Variants in FANCI observed in about 807,000 individuals in gnomAD.
FANCI encodes the protein Fanconi anemia group I protein.
A neutral mutation model predicts 176.1 loss-of-function variants in FANCI; 156 were observed. The ratio of observed to expected loss-of-function variants is 0.89; its 90% CI spans 0.78 to 1.01. FANCI has a LOEUF of 1.01. FANCI is among the 50% of genes least tolerant of loss of function. The probability of loss-of-function intolerance (pLI) is 0.00; values close to 1 mark genes in which losing one functional copy is unlikely to be tolerated. For synonymous variants in FANCI, 613 were observed against 541.7 expected (o/e 1.13, Z -1.83); for missense variants, 1,678 against 1,534.1 (o/e 1.09, Z -1.57).
chr15:89,313,939 A>G (rs1233537446), intron 35 of FANCI, among the ~76,000 whole-genome samples: 5 of 150,086 alleles, frequency 3.3e-5, no homozygotes, highest in Non-Finnish European at 5.9e-5. Context: ...AGGACCTACA[A>G]ATTACAATTC....
rs1596336156 is a variant in FANCI at position 89,312,637 on chromosome 15, T to C, written c.3652-267T>C. Among the ~76,000 whole-genome samples the C allele has an allele frequency of 2.0e-5, 3 of 152,196 alleles. 1 individual carries two copies. The highest frequency in any genetic ancestry group is 4.4e-5 in the Non-Finnish European group (3 of 67,996). ...GAGTTCGAGACCAGCCTGGCCAACATGGCAAAACACCGTCTCTACTAAAAA... is the reference window on the plus strand; with the variant it reads ...GAGTTCGAGACCAGCCTGGCCAACACGGCAAAACACCGTCTCTACTAAAAA... On this transcript the variant is annotated intron_variant, in intron 34 of 37. Transcript: ENST00000310775.
At chr15:89,281,506 T>C (rs2053612942) in intron 15 of FANCI, among the ~76,000 whole-genome samples, 1 of 152,248 alleles carries the variant, frequency 6.6e-6, no homozygotes. Context: ...TTCTCTCAAC[T>C]CATTTTCAAG....
At chr15:89,284,395 A>G (rs560677066) in intron 17 of FANCI, among the ~76,000 whole-genome samples, 7 of 152,238 alleles carry the variant, frequency 4.6e-5, no homozygotes, top group African/African-American at 1.7e-4. Flanking sequence ...GTATAACTAC[A>G]TAAAGCTTTG....
intron 37 of FANCI, 56 bp downstream of exon 37, chr15:89,315,445 T>TATC: frequency 8.2e-7 from 1 of 1,225,548 alleles, no homozygotes; most frequent in Non-Finnish European, 1.2e-6. Flanking sequence ...GTTAGCAGCC[T>TATC]ATCTGGGAGC....
intron 3 of FANCI, 101 bp from the exon 4 acceptor site, chr15:89,260,612 A>G: frequency 2.7e-6 from 4 of 1,465,334 alleles, no homozygotes; most frequent in South Asian, 1.1e-5. Context: ...GTCGTTTGAT[A>G]ATTCTGTTTT....
intron 20 of FANCI, 72 bp downstream of exon 20, chr15:89,291,786 C>T: frequency 1.7e-6 from 2 of 1,187,426 alleles, no homozygotes; most frequent in Non-Finnish European, 2.5e-6. Flanking sequence ...CAAAGAGATA[C>T]CTTTCCCTGT....
At chr15:89,286,331 G>A (rs898351558) in intron 18 of FANCI, among the ~76,000 whole-genome samples, 6 of 152,130 alleles carry the variant, frequency 3.9e-5, no homozygotes, top group South Asian at 2.1e-4. Flanking sequence ...TTTTCTTTTT[G>A]CACTGGGTTT....
intron 10 of FANCI, among the ~76,000 whole-genome samples, chr15:89,271,775 A>G (rs985087487): frequency 6.6e-6 from 1 of 152,198 alleles, no homozygotes; most frequent in African/African-American, 2.4e-5. Context: ...GTGAGCTACC[A>G]TATCAGGCTC....
intron 10 of FANCI, among the ~76,000 whole-genome samples, chr15:89,271,462 T>G (rs1036470497): frequency 2.0e-5 from 3 of 152,186 alleles, no homozygotes; most frequent in African/African-American, 7.2e-5. Flanking sequence ...AGGATTCACC[T>G]GTGTTGTAGC....
intron 2 of FANCI, among the ~76,000 whole-genome samples, chr15:89,253,344 A>C (rs1363267803): frequency 6.6e-6 from 1 of 152,078 alleles, no homozygotes; most frequent in East Asian, 1.9e-4. Context: ...TAAATGTAAA[A>C]AACAAATCTA....
chr15:89,263,541 A>C (rs1159154752), intron 7 of FANCI, 81 bp downstream of exon 7: 20 of 1,149,012 alleles, frequency 1.7e-5, no homozygotes, highest in Non-Finnish European at 2.6e-5. Context: ...AGCAAACGTA[A>C]ACATCACTCT....
At position 89,290,282 on chromosome 15, in the gene FANCI, G is replaced by T. The variant is rs764306023; in HGVS notation, c.1890+1G>T. Reference sequence around the variant, plus strand: ...AGTCATGCAAACTCTGCTCTCACAGGTAAAATACATTTTTATGGATATATG... The same window carrying T: ...AGTCATGCAAACTCTGCTCTCACAGTTAAAATACATTTTTATGGATATATG... On this transcript the variant is annotated splice_donor_variant, in intron 19 of 37. Coordinates refer to ENST00000310775, the MANE Select transcript of FANCI (RefSeq NM_001113378.2). LOFTEE classifies it high-confidence loss of function. 1.9e-6 allele frequency: 3 copies of T among 1,610,604 alleles called. No individual in the cohort carries two copies. The highest frequency in any genetic ancestry group is 1.1e-5 in the South Asian group (1 of 91,024).
At position 89,294,142 on chromosome 15, in the gene FANCI, A is replaced by G. The variant is rs190707893; in HGVS notation, c.2456+145A>G. On this transcript the variant is annotated intron_variant, in intron 23 of 37. Coordinates refer to ENST00000310775, the MANE Select transcript of FANCI (RefSeq NM_001113378.2). ...TTTTTCTTGAAATAAAAGCTGGACAATCCTAGGTAGGTACTTTAAGTAGGT... is the reference window on the plus strand; with the variant it reads ...TTTTTCTTGAAATAAAAGCTGGACAGTCCTAGGTAGGTACTTTAAGTAGGT... 2.6e-4 allele frequency: 230 copies of G among 896,952 alleles called. No individual in the cohort carries two copies. The African/African-American group carries it at 3.5e-3, about 14-fold the overall frequency. The allele number at this position is 896,952 out of a possible 1,614,324, so 55.6% of individuals were successfully genotyped here.
At chr15:89,284,617 G>T (rs929477941) in intron 17 of FANCI, among the ~76,000 whole-genome samples, 1 of 152,166 alleles carries the variant, frequency 6.6e-6, no homozygotes, top group African/African-American at 2.4e-5. Flanking sequence ...GGAATTCTTG[G>T]TCTATAATTG....
chr15:89,293,741 T>G, intron 22 of FANCI, 92 bp from the exon 23 acceptor site: 1 of 1,209,848 alleles, frequency 8.3e-7, no homozygotes, highest in Non-Finnish European at 1.2e-6. Flanking sequence ...AAATATGACA[T>G]TTAAAGAAGC....
At chr15:89,314,195 C>T (rs187580044) in intron 35 of FANCI, among the ~76,000 whole-genome samples, 8 of 146,510 alleles carry the variant, frequency 5.5e-5, no homozygotes, top group African/African-American at 1.6e-4. Context: ...CACACACACA[C>T]GTAGAACCTA....
chr15:89,310,298 G>T (rs1355010169), intron 34 of FANCI, among the ~76,000 whole-genome samples: 6 of 152,206 alleles, frequency 3.9e-5, no homozygotes, highest in African/African-American at 1.4e-4. Flanking sequence ...AAAACAGGCA[G>T]TGGGCCAGAT....
intron 18 of FANCI, among the ~76,000 whole-genome samples, chr15:89,287,057 T>G (rs1423624434): frequency 7.2e-6 from 1 of 138,480 alleles, no homozygotes; most frequent in Non-Finnish European, 1.5e-5. Flanking sequence ...CACTGCAACC[T>G]CCGCCACCCA....
In FANCI at chr15:89,264,512, T is replaced by C; in HGVS notation, c.670-10T>C. ...ATTGGGAGACCTTACCAATTTTGTA[T>C]TGTTTTCAGGGAAGCAGAAAGAGTG... is the stretch of plus-strand genomic sequence containing the variant. On this transcript the variant is annotated splice_polypyrimidine_tract_variant and intron_variant, in intron 8 of 37. Coordinates refer to ENST00000310775, the MANE Select transcript of FANCI (RefSeq NM_001113378.2). The C allele has an allele frequency of 6.2e-7, 1 of 1,612,832 alleles. No homozygotes were observed. Among genetic ancestry groups the C allele is most frequent in the South Asian group, 1.1e-5 (1 of 91,056 alleles).
Sources: allele counts gnomAD v4.1 joint callset (sites outside exome capture counted in the v4.1 genomes callset), GRCh38; gene constraint gnomAD v4.1.1; transcripts MANE v1.5; gene names NCBI Gene and HGNC (gene_info 2026-07-23, HGNC 2026-07-21).